PHF2: variants seen among roughly 807,000 people sequenced by gnomAD.
PHF2 encodes the protein PHD finger protein 2.
In PHF2, 27 loss-of-function variants were observed where a neutral mutation model predicts 120.5. That is an observed-to-expected ratio of 0.22 (90% CI 0.17 to 0.31). The LOEUF is 0.31. Ranked by LOEUF, PHF2 falls within the 10% of genes least tolerant of loss-of-function variation. PHF2 has a pLI of 1.00. For missense variants in PHF2, 1,024 were observed against 1,434.8 expected (o/e 0.71, Z 4.63); for synonymous variants, 568 against 592.5 (o/e 0.96, Z 0.60).
At position 93,668,274 on chromosome 9, in the gene PHF2, A is replaced by C. The variant is rs1447666717; in HGVS notation, c.2348+1034A>C. 2.6e-5 allele frequency among the ~76,000 whole-genome samples: 4 copies of C among 152,142 alleles called. 1 individual carries two copies. Among genetic ancestry groups the C allele is most frequent in the African/African-American group, 9.7e-5 (4 of 41,422 alleles). On this transcript the variant is annotated intron_variant, in intron 17 of 21. Transcript: ENST00000359246. ...GCTTGGCACTAGGTGGTTCCTGTCCATGTTAAGCCCCTTGCTGCAGAGATG... is the reference window on the plus strand; with the variant it reads ...GCTTGGCACTAGGTGGTTCCTGTCCCTGTTAAGCCCCTTGCTGCAGAGATG...
intron 1 of PHF2, among the ~76,000 whole-genome samples, chr9:93,611,872 A>G (rs1400075089): frequency 6.6e-6 from 1 of 152,176 alleles, no homozygotes; most frequent in East Asian, 1.9e-4. Flanking sequence ...ACATAGGAAA[A>G]TATTCAATAA....
intron 4 of PHF2, among the ~76,000 whole-genome samples, chr9:93,646,093 A>T (rs922603116): frequency 2.6e-5 from 4 of 152,130 alleles, no homozygotes; most frequent in Non-Finnish European, 5.9e-5. Flanking sequence ...GCTACATGAC[A>T]CTGCCATGCC....
chr9:93,662,850 G>C lies in PHF2; in HGVS notation c.1699-57G>C. On this transcript the variant is annotated intron_variant, in intron 12 of 21. Coordinates refer to ENST00000359246, the MANE Select transcript of PHF2 (RefSeq NM_005392.4). ...AGAAGACAGGGAATCTGTGGCTCAA[G>C]AGAGTTCCACCAGCCCTCTATGTCT... 3 of 1,602,004 alleles carry C rather than the reference G, an allele frequency of 1.9e-6. No individual in the cohort carries two copies. In the South Asian group the frequency reaches 3.3e-5, roughly 18 times the overall value.
At chr9:93,607,252 G>GGTTTTTGTT (rs1421838082) in intron 1 of PHF2, among the ~76,000 whole-genome samples, 1 of 151,858 alleles carries the variant, frequency 6.6e-6, no homozygotes, top group African/African-American at 2.4e-5. Context: ...AACTTGCTGG[G>GGTTTTTGTT]GTTTTTGTTG....
chr9:93,636,532 T>C lies in PHF2; in HGVS notation c.299+7T>C. ...GGAGCCGGACCTTTCCCAGGTGGGC[T>C]GGCCTTCCTGTATGCTCCACCACCT... On this transcript the variant is annotated splice_region_variant and intron_variant, in intron 3 of 21. Transcript: ENST00000359246. 6.4e-7 allele frequency: 1 copy of C among 1,564,228 alleles called. No homozygotes were observed. Among genetic ancestry groups the C allele is most frequent in the Non-Finnish European group, 8.7e-7 (1 of 1,151,550 alleles).
chr9:93,620,153 GA>G (rs1825802018), intron 1 of PHF2, among the ~76,000 whole-genome samples: 1 of 152,204 alleles, frequency 6.6e-6, no homozygotes. Flanking sequence ...CCCAGCCTGG[GA>G]GTGTACAAGG....
intron 3 of PHF2, among the ~76,000 whole-genome samples, chr9:93,643,409 G>T (rs1286082511): frequency 6.6e-6 from 1 of 152,180 alleles, no homozygotes; most frequent in African/African-American, 2.4e-5. Context: ...TGCATGGTCT[G>T]TATGCCTCGA....
chr9:93,660,484 C>T lies in PHF2; in HGVS notation c.1622C>T (p.Thr541Ile), dbSNP rs1229258205. 1.9e-6 allele frequency: 3 copies of T among 1,606,130 alleles called. No individual in the cohort carries two copies. Among genetic ancestry groups the T allele is most frequent in the South Asian group, 2.2e-5 (2 of 89,334 alleles). The change falls in exon 12 of 22, where the codon ACC (threonine) becomes ATC (isoleucine). Residue 541 changes from threonine (T) to isoleucine (I), a missense_variant. This residue lies in a region of PHF2 where 677 missense variants were observed against 857.4 expected (regional missense o/e 0.79). Coordinates refer to ENST00000359246, the MANE Select transcript of PHF2 (RefSeq NM_005392.4). ...AAGTCCCGGGAGTCAGCCTCACCCA[C>T]CATCCCCAACCTGGACCTGCTCGAA... is the stretch of plus-strand genomic sequence containing the variant. ...GKKSRESASP[T>I]IPNLDLLEAH... is the part of the protein sequence containing the mutation.
At chr9:93,652,009 A>C (rs1826377049) in intron 5 of PHF2, among the ~76,000 whole-genome samples, 1 of 152,066 alleles carries the variant, frequency 6.6e-6, no homozygotes, top group Non-Finnish European at 1.5e-5. Context: ...CTCCTGGAGG[A>C]TGGAGAAGGG....
chr9:93,576,929 C>G lies in PHF2; in HGVS notation c.98+58C>G, dbSNP rs572096342. 3.4e-3 allele frequency: 2,600 copies of G among 756,078 alleles called. 5 individuals carry two copies. Among genetic ancestry groups the G allele is most frequent in the Non-Finnish European group, 3.4e-3 (2,121 of 619,772 alleles). 46.8% of individuals were successfully genotyped at this position (756,078 alleles called of 1,614,324 possible). On this transcript the variant is annotated intron_variant, in intron 1 of 21. Coordinates refer to ENST00000359246, the MANE Select transcript of PHF2 (RefSeq NM_005392.4). Reference sequence around the variant, plus strand: ...GCCCGGCCCGGCCACCTTGCCCGACCGAGCCCCGCGCCCCCGGCTGCGCGC... The same window carrying G: ...GCCCGGCCCGGCCACCTTGCCCGACGGAGCCCCGCGCCCCCGGCTGCGCGC...
intron 2 of PHF2, among the ~76,000 whole-genome samples, chr9:93,633,958 G>C (rs991228086): frequency 4.6e-5 from 7 of 152,052 alleles, no homozygotes; most frequent in Admixed American, 2.6e-4. Flanking sequence ...GCATAACCAC[G>C]GGGCTGCCTC....
intron 1 of PHF2, among the ~76,000 whole-genome samples, chr9:93,605,363 G>A (rs142218686): frequency 0.015 from 2,326 of 152,284 alleles, 67 homozygotes; most frequent in African/African-American, 0.052. Flanking sequence ...GATTACAGGC[G>A]TGAGCCACTG....
intron 5 of PHF2, among the ~76,000 whole-genome samples, chr9:93,650,200 GAC>G (rs1826343088): frequency 6.6e-6 from 1 of 151,360 alleles, no homozygotes; most frequent in Admixed American, 6.6e-5. Context: ...ACAACACACC[GAC>G]ACACTCACAT....
At chr9:93,601,529 A>G (rs1331731145) in intron 1 of PHF2, among the ~76,000 whole-genome samples, 4 of 152,090 alleles carry the variant, frequency 2.6e-5, no homozygotes, top group Non-Finnish European at 4.4e-5. Context: ...GACTTAAGCA[A>G]ATGTTTTAGA....
chr9:93,584,322 A>C (rs996378769), intron 1 of PHF2, among the ~76,000 whole-genome samples: 2 of 152,194 alleles, frequency 1.3e-5, no homozygotes, highest in African/African-American at 4.8e-5. Context: ...TGTACAATCC[A>C]AGATTATAAT....
chr9:93,594,534 C>T (rs928950590), intron 1 of PHF2, among the ~76,000 whole-genome samples: 5 of 152,200 alleles, frequency 3.3e-5, no homozygotes, highest in East Asian at 3.9e-4. Context: ...CAAGGGTCTA[C>T]TGCAAGTGGG....
intron 2 of PHF2, among the ~76,000 whole-genome samples, chr9:93,635,987 G>T (rs1013836813): frequency 6.6e-6 from 1 of 152,156 alleles, no homozygotes; most frequent in Non-Finnish European, 1.5e-5. Flanking sequence ...GGCTGTGGCA[G>T]TTGGGGTGAT....
chr9:93,617,295 G>A (rs1245771974), intron 1 of PHF2, among the ~76,000 whole-genome samples: 1 of 152,208 alleles, frequency 6.6e-6, no homozygotes, highest in East Asian at 1.9e-4. Context: ...TGGCATGCTT[G>A]GGGTCAGAAT....
chr9:93,650,812 G>C lies in PHF2; in HGVS notation c.602+1600G>C, dbSNP rs535942370. ...GAACACTCACTCACCGTAAGGCGCGGGTGGCTAAGGATGGCTTTAGTCTTC... is the reference window on the plus strand; with the variant it reads ...GAACACTCACTCACCGTAAGGCGCGCGTGGCTAAGGATGGCTTTAGTCTTC... On this transcript the variant is annotated intron_variant, in intron 5 of 21. Coordinates refer to ENST00000359246, the MANE Select transcript of PHF2 (RefSeq NM_005392.4). 2.0e-5 allele frequency among the ~76,000 whole-genome samples: 3 copies of C among 152,318 alleles called. No individual in the cohort carries two copies. In the East Asian group the frequency reaches 5.8e-4, roughly 29 times the overall value.
Sources: gnomAD v4.1 joint callset for allele counts (sites outside exome capture counted in the v4.1 genomes callset) on GRCh38, gnomAD v4.1.1 for gene constraint, gnomAD v4.1.1 regional missense constraint, MANE v1.5 for transcripts, NCBI Gene and HGNC (gene_info 2026-07-23, HGNC 2026-07-21) for gene names.